Variants in CNTN5 observed in about 807,000 individuals in gnomAD.
CNTN5 encodes contactin 5.
A neutral mutation model predicts 129.1 loss-of-function variants in CNTN5; 77 were observed. The ratio of observed to expected loss-of-function variants is 0.60; its 90% confidence interval spans 0.50 to 0.72. The LOEUF is 0.72. Ranked by LOEUF, CNTN5 falls within the 30% of genes least tolerant of loss-of-function variation. CNTN5 has a pLI of 0.00. For missense variants in CNTN5, 1,478 were observed against 1,328.8 expected (o/e 1.11, Z -1.75); for synonymous variants, 509 against 465.6 (o/e 1.09, Z -1.20).
chr11:99,637,139 A>C, intron 3 of CNTN5, among the ~76,000 whole-genome samples: 1 of 151,374 alleles, frequency 6.6e-6, no homozygotes, highest in South Asian at 2.1e-4. Flanking sequence ...TAATGATAAT[A>C]ATCATTAAAA....
At position 99,101,781 on chromosome 11, in the gene CNTN5, T is replaced by A. The variant is rs190850088; in HGVS notation, c.-210+80511T>A. 2.5e-3 allele frequency among the ~76,000 whole-genome samples: 381 copies of A among 152,290 alleles called. 3 individuals are homozygous for A. The highest frequency in any genetic ancestry group is 8.3e-3 in the African/African-American group (347 of 41,564). ...TTCACAAATCGGCATTGTCTGTGACTTTTCCAGGCACATGGTGTGAGGTGT... is the reference window on the plus strand; with the variant it reads ...TTCACAAATCGGCATTGTCTGTGACATTTCCAGGCACATGGTGTGAGGTGT... On this transcript the variant is annotated intron_variant, in intron 1 of 24. Transcript: ENST00000524871.
At chr11:99,945,257 C>T (rs1454268455) in intron 7 of CNTN5, among the ~76,000 whole-genome samples, 1 of 152,030 alleles carries the variant, frequency 6.6e-6, no homozygotes, top group Non-Finnish European at 1.5e-5. Flanking sequence ...TGCAGAGCAA[C>T]ATATACTATA....
intron 3 of CNTN5, among the ~76,000 whole-genome samples, chr11:99,735,832 A>G (rs1943687871): frequency 6.6e-6 from 1 of 152,172 alleles, no homozygotes; most frequent in Non-Finnish European, 1.5e-5. Context: ...GATTTCAGGT[A>G]TACAATACGG....
intron 13 of CNTN5, among the ~76,000 whole-genome samples, chr11:100,184,842 A>G (rs1948248231): frequency 6.6e-6 from 1 of 152,138 alleles, no homozygotes; most frequent in Non-Finnish European, 1.5e-5. Context: ...ATGGCTCTGT[A>G]TCCCCACCTA....
At chr11:99,172,316 G>C (rs1190096233) in intron 1 of CNTN5, among the ~76,000 whole-genome samples, 1 of 152,128 alleles carries the variant, frequency 6.6e-6, no homozygotes, top group Non-Finnish European at 1.5e-5. Context: ...TTATTTATAA[G>C]AATATCATTG....
At chr11:99,338,341 A>T (rs1249928507) in intron 2 of CNTN5, among the ~76,000 whole-genome samples, 1 of 151,932 alleles carries the variant, frequency 6.6e-6, no homozygotes, top group Non-Finnish European at 1.5e-5. Flanking sequence ...ATTTATTTTT[A>T]TTGAGGGGCA....
At chr11:100,186,123 G>T (rs2138477778) in intron 13 of CNTN5, among the ~76,000 whole-genome samples, 1 of 152,260 alleles carries the variant, frequency 6.6e-6, no homozygotes, top group East Asian at 1.9e-4. Context: ...ACTTTGGGAG[G>T]CCAAGACAGG....
chr11:100,284,290 G>T (rs1950715087), intron 18 of CNTN5, among the ~76,000 whole-genome samples: 1 of 152,184 alleles, frequency 6.6e-6, no homozygotes, highest in Non-Finnish European at 1.5e-5. Context: ...TCCTTGCCAA[G>T]GGGACAATCA....
At chr11:100,120,206 T>G (rs1038487922) in intron 13 of CNTN5, among the ~76,000 whole-genome samples, 2 of 152,026 alleles carry the variant, frequency 1.3e-5, no homozygotes, top group Non-Finnish European at 2.9e-5. Flanking sequence ...TTTGTTTTAC[T>G]CATCCAGTTA....
In CNTN5 at chr11:99,032,900, G is replaced by C. The variant is rs1207982536; in HGVS notation, c.-210+11630G>C. 3.6e-5 allele frequency among the ~76,000 whole-genome samples: 5 copies of C among 140,288 alleles called. No individual in the cohort carries two copies. In the East Asian group the frequency reaches 6.9e-4, roughly 19 times the overall value. The allele number at this position is 140,288 out of a possible 152,430, so 92.0% of individuals were successfully genotyped here. ...TTCTTCTAGGGTTTTTATGGTTTTA[G>C]GTCTAACGTTTAAGTCTTTAATCCA... On this transcript the variant is annotated intron_variant, in intron 1 of 24. Coordinates refer to ENST00000524871, the MANE Select transcript of CNTN5 (RefSeq NM_014361.4).
intron 13 of CNTN5, among the ~76,000 whole-genome samples, chr11:100,086,677 A>G (rs1944570524): frequency 1.3e-5 from 2 of 151,588 alleles, no homozygotes; most frequent in South Asian, 4.2e-4. Flanking sequence ...TATATGTAAG[A>G]GCTTTGTTTT....
rs79753368 is a variant in CNTN5 at position 99,881,156 on chromosome 11, G to A, written c.578-34898G>A. On this transcript the variant is annotated intron_variant, in intron 6 of 24. Coordinates refer to ENST00000524871, the MANE Select transcript of CNTN5 (RefSeq NM_014361.4). ...GTTTCTGGATTGGTACAGGTATGAT[G>A]AGTGAGATTTTTTTCTGTGCTGCAG... Among the ~76,000 whole-genome samples, 462 of 152,318 alleles carry A rather than the reference G, an allele frequency of 3.0e-3. 5 individuals are homozygous for A. The highest frequency in any genetic ancestry group is 9.9e-3 in the African/African-American group (410 of 41,566).
chr11:99,573,791 T>A (rs1949258298), intron 3 of CNTN5, among the ~76,000 whole-genome samples: 1 of 151,784 alleles, frequency 6.6e-6, no homozygotes, highest in Admixed American at 6.6e-5. Context: ...CATGCATGCA[T>A]TTTGGAGAAA....
chr11:99,923,370 G>T (rs1591427503), intron 7 of CNTN5, among the ~76,000 whole-genome samples: 2 of 152,052 alleles, frequency 1.3e-5, no homozygotes, highest in South Asian at 4.1e-4. Flanking sequence ...GAAATTGAGG[G>T]TTATATTGTA....
intron 1 of CNTN5, among the ~76,000 whole-genome samples, chr11:99,241,410 A>T (rs1288112824): frequency 2.0e-5 from 3 of 147,514 alleles, no homozygotes; most frequent in African/African-American, 7.6e-5. Context: ...GACTCACTCA[A>T]TGATTAGGAA....
rs867923769 is a variant in CNTN5, at chr11:100,026,387, G to C, written c.980+24251G>C. On this transcript the variant is annotated intron_variant, in intron 9 of 24. Transcript: ENST00000524871. ...CTCAGGAAGTTCTTTATAGCACTGT[G>C]AGAATGGACTAATACAGACAGCAAT... Among the ~76,000 whole-genome samples, 43 of 152,034 alleles carry C rather than the reference G, an allele frequency of 2.8e-4. 1 individual carries two copies. Among genetic ancestry groups the C allele is most frequent in the African/African-American group, 8.9e-4 (37 of 41,396 alleles).
At chr11:99,400,673 G>T (rs1224191416) in intron 2 of CNTN5, among the ~76,000 whole-genome samples, 2 of 151,944 alleles carry the variant, frequency 1.3e-5, no homozygotes, top group African/African-American at 2.4e-5. Flanking sequence ...TCCAAAGTGG[G>T]TGTACTATTC....
At chr11:100,199,654 C>T (rs912235598) in intron 15 of CNTN5, among the ~76,000 whole-genome samples, 2 of 151,884 alleles carry the variant, frequency 1.3e-5, no homozygotes, top group Admixed American at 6.6e-5. Context: ...TGTGTCTCCA[C>T]TCACTGTCTT....
intron 7 of CNTN5, among the ~76,000 whole-genome samples, chr11:99,930,865 A>G (rs1950176892): frequency 6.6e-6 from 1 of 152,050 alleles, no homozygotes; most frequent in South Asian, 2.1e-4. Context: ...TTAAGTGTCT[A>G]TTTTAGCAGT....
Sources: allele counts gnomAD v4.1 joint callset (sites outside exome capture counted in the v4.1 genomes callset), GRCh38; gene constraint gnomAD v4.1.1; transcripts MANE v1.5; gene names NCBI Gene and HGNC (gene_info 2026-07-23, HGNC 2026-07-21).